PKIB: variants seen among roughly 807,000 people sequenced by gnomAD.
The protein encoded by PKIB is PKI-beta.
Under a neutral mutation model 4.5 loss-of-function variants are expected in PKIB, and 2 were observed. The observed-to-expected ratio is 0.44, with a 90% CI of 0.18 to 1.39. The LOEUF (loss-of-function observed/expected upper bound fraction) is 1.39, where lower values mean the gene tolerates loss of function less well. PKIB is among the 40% of genes most tolerant of loss of function. The probability of loss-of-function intolerance (pLI) is 0.27; values close to 1 mark genes in which losing one functional copy is unlikely to be tolerated. For missense variants in PKIB, 94 were observed against 92.6 expected (o/e 1.02, Z -0.06); for synonymous variants, 38 against 36.0 (o/e 1.06, Z -0.20).
At chr6:122,689,179 A>G (rs974379916) in intron 3 of PKIB, among the ~76,000 whole-genome samples, 2 of 152,138 alleles carry the variant, frequency 1.3e-5, no homozygotes, top group African/African-American at 4.8e-5. Flanking sequence ...GTCTGGCTAA[A>G]GGTTTGTCAA....
chr6:122,529,961 C>T (rs572080262), intron 2 of PKIB, among the ~76,000 whole-genome samples: 3 of 152,174 alleles, frequency 2.0e-5, no homozygotes, highest in African/African-American at 7.2e-5. Context: ...CTTGAATCCA[C>T]ATGTCCGTTT....
chr6:122,613,247 A>G (rs1267432257), intron 1 of PKIB, among the ~76,000 whole-genome samples: 1 of 152,200 alleles, frequency 6.6e-6, no homozygotes, highest in East Asian at 1.9e-4. Flanking sequence ...CATTTCTTCA[A>G]TGCAAAATTT....
intron 2 of PKIB, among the ~76,000 whole-genome samples, chr6:122,645,735 G>A (rs900917581): frequency 2.0e-5 from 3 of 152,162 alleles, no homozygotes; most frequent in African/African-American, 4.8e-5. Context: ...GTGGGGCCAC[G>A]GGTTAAAGGA....
In PKIB at chr6:122,692,387, G is replaced by A. The variant is rs1029839317; in HGVS notation, c.-9+17243G>A. Among the ~76,000 whole-genome samples the A allele has an allele frequency of 2.6e-4, 39 of 152,200 alleles. 1 individual carries two copies. The highest frequency in any genetic ancestry group is 9.4e-4 in the African/African-American group (39 of 41,448). On this transcript the variant is annotated intron_variant, in intron 3 of 4. Coordinates refer to ENST00000368452, the MANE Select transcript of PKIB (RefSeq NM_181795.3). ...TGTTGCTCTATTCTACTACAGCTAA[G>A]CTGGCACTCAGACCATGAGACAAAG...
At chr6:122,667,593 A>T (rs1195983468) in intron 2 of PKIB, among the ~76,000 whole-genome samples, 1 of 152,188 alleles carries the variant, frequency 6.6e-6, no homozygotes, top group Non-Finnish European at 1.5e-5. Flanking sequence ...AGATAATGTA[A>T]AGCTTATGAA....
Position 122,717,753 on chromosome 6 carries a change from G to A in PKIB, c.-8-34G>A, listed in dbSNP as rs200804998. The A allele has an allele frequency of 6.2e-6, 10 of 1,605,438 alleles. No individual in the cohort carries two copies. The Admixed American group carries it at 1.3e-4, about 21-fold the overall frequency. The stretch of plus-strand genomic sequence containing the variant: ...GTGGTGAACATTTACTTCTGAATAG[G>A]CTCATCTTCTTCATATGCACATTCT... On this transcript the variant is annotated intron_variant, in intron 3 of 4. Transcript: ENST00000368452.
intron 2 of PKIB, among the ~76,000 whole-genome samples, chr6:122,576,682 AAAAAAAAATATATATATAT>A (rs1231596188): frequency 4.1e-5 from 2 of 48,456 alleles, no homozygotes; most frequent in African/African-American, 1.8e-4. Flanking sequence ...AAAAAAAAAA[AAAAAAAAATATATATATAT>A]ATATATATAT....
At chr6:122,518,395 T>G (rs1776828982) in intron 2 of PKIB, among the ~76,000 whole-genome samples, 2 of 152,130 alleles carry the variant, frequency 1.3e-5, no homozygotes, top group Non-Finnish European at 2.9e-5. Context: ...GAGTGGTACC[T>G]TCACAGTTTT....
chr6:122,487,453 G>A (rs1252964982), intron 2 of PKIB, among the ~76,000 whole-genome samples: 1 of 152,202 alleles, frequency 6.6e-6, no homozygotes, highest in African/African-American at 2.4e-5. Flanking sequence ...CAGTGTGATG[G>A]TATTAGAAGG....
In PKIB at chr6:122,610,508, C is replaced by G. The variant is rs1774705592; in HGVS notation, c.-188C>G. 6.6e-6 allele frequency: 1 copy of G among 152,578 alleles called. No homozygotes were observed. The highest frequency in any genetic ancestry group is 1.5e-5 in the Non-Finnish European group (1 of 68,360). The allele number at this position is 152,578 out of a possible 1,614,324, so 9.5% of individuals were successfully genotyped here. A position where few individuals can be genotyped will look rare whatever the true frequency, so the allele number is the denominator to read the frequency against. Reference sequence around the variant, plus strand: ...TGGGCGAGCGCGAGCGCCAGGGCACCGGCAGGGCAGGCAGCTGCGCGCGGC... The same window carrying G: ...TGGGCGAGCGCGAGCGCCAGGGCACGGGCAGGGCAGGCAGCTGCGCGCGGC... On this transcript the variant is annotated 5_prime_UTR_variant, in exon 1 of 5. Transcript: ENST00000368452.
At chr6:122,542,560 C>T (rs1307075855) in intron 2 of PKIB, among the ~76,000 whole-genome samples, 3 of 152,116 alleles carry the variant, frequency 2.0e-5, no homozygotes, top group African/African-American at 7.2e-5. Flanking sequence ...ATGCTGCTGC[C>T]TGATCATTCC....
chr6:122,489,694 CT>C (rs1775883296), intron 2 of PKIB, among the ~76,000 whole-genome samples: 1 of 152,210 alleles, frequency 6.6e-6, no homozygotes, highest in South Asian at 2.1e-4. Context: ...AGAGCAAAAG[CT>C]TTCTCCTTTC....
At chr6:122,534,310 A>C (rs1011106117) in intron 2 of PKIB, among the ~76,000 whole-genome samples, 5 of 151,934 alleles carry the variant, frequency 3.3e-5, no homozygotes, top group African/African-American at 1.2e-4. Context: ...GGGGACATAG[A>C]TTGGAATTTT....
intron 2 of PKIB, among the ~76,000 whole-genome samples, chr6:122,653,048 T>C (rs1433659610): frequency 6.6e-6 from 1 of 152,246 alleles, no homozygotes; most frequent in Non-Finnish European, 1.5e-5. Context: ...TATTGCTGCC[T>C]GTGCAGGGGC....
At chr6:122,511,582 A>G (rs565727942) in intron 2 of PKIB, among the ~76,000 whole-genome samples, 148 of 152,262 alleles carry the variant, frequency 9.7e-4, no homozygotes, top group Non-Finnish European at 5.7e-4. Flanking sequence ...CCCGAACTCT[A>G]GTGGTGACAA....
chr6:122,567,366 A>G (rs909205982), intron 2 of PKIB, among the ~76,000 whole-genome samples: 15 of 152,144 alleles, frequency 9.9e-5, no homozygotes, highest in Admixed American at 9.2e-4. Context: ...ATTCACTCAC[A>G]GTGGTAGCTG....
At position 122,681,999 on chromosome 6, in the gene PKIB, T is replaced by G. The variant is rs1470885235; in HGVS notation, c.-9+6855T>G. ...TTGAACTGTGGGATGGAGTCTAGCG[T>G]GAGAAATTTCTACATCCTATTTTCC... On this transcript the variant is annotated intron_variant, in intron 3 of 4. Coordinates refer to ENST00000368452, the MANE Select transcript of PKIB (RefSeq NM_181795.3). Among the ~76,000 whole-genome samples, 8 of 152,290 alleles carry G rather than the reference T, an allele frequency of 5.3e-5. No homozygotes were observed. In the East Asian group the frequency reaches 1.5e-3, roughly 29 times the overall value.
chr6:122,714,808 G>A (rs1308024698), intron 3 of PKIB, among the ~76,000 whole-genome samples: 1 of 152,076 alleles, frequency 6.6e-6, no homozygotes, highest in African/African-American at 2.4e-5. Flanking sequence ...AAACTTTCAC[G>A]TCTTGCTCTA....
rs562080074 is a variant in PKIB at position 122,691,415 on chromosome 6, T to C, written c.-9+16271T>C. Among the ~76,000 whole-genome samples the C allele has an allele frequency of 3.3e-5, 5 of 152,280 alleles. No individual in the cohort carries two copies. In the South Asian group the frequency reaches 1.0e-3, roughly 32 times the overall value. The stretch of plus-strand genomic sequence containing the variant: ...TGTCTGCTCTGACTGTATTTTCAGA[T>C]AACTTGTCTTCAAGGTCACTAATTC... On this transcript the variant is annotated intron_variant, in intron 3 of 4. Transcript: ENST00000368452.
Sources: allele counts gnomAD v4.1 joint callset (sites outside exome capture counted in the v4.1 genomes callset), GRCh38; gene constraint gnomAD v4.1.1; transcripts MANE v1.5; gene names NCBI Gene and HGNC (gene_info 2026-07-23, HGNC 2026-07-21).